CPXM2: variants seen among roughly 807,000 people sequenced by gnomAD.
CPXM2 encodes the protein inactive carboxypeptidase-like protein X2.
CPXM2 carries 66 observed loss-of-function variants against 86.1 expected under a neutral mutation model. The ratio of observed to expected loss-of-function variants is 0.77; its 90% CI spans 0.63 to 0.94. The LOEUF (loss-of-function observed/expected upper bound fraction) is 0.94. Ranked by LOEUF, CPXM2 falls within the 40% of genes least tolerant of loss-of-function variation. The pLI is 0.00. For missense variants in CPXM2, 948 were observed against 1,026.3 expected (o/e 0.92, Z 1.04); for synonymous variants, 388 against 400.2 (o/e 0.97, Z 0.36).
At chr10:123,774,360 A>G (rs982627828) in intron 7 of CPXM2, among the ~76,000 whole-genome samples, 1 of 152,272 alleles carries the variant, frequency 6.6e-6, no homozygotes, top group African/African-American at 2.4e-5. Context: ...CGAATTATCC[A>G]TAAAATGTCC....
At chr10:123,909,236 A>C (rs971002218) in intron 2 of CPXM2, among the ~76,000 whole-genome samples, 3 of 152,184 alleles carry the variant, frequency 2.0e-5, no homozygotes, top group Non-Finnish European at 4.4e-5. Context: ...AGATCTCCAG[A>C]AAGTACACTA....
At position 123,835,436 on chromosome 10, in the gene CPXM2, C is replaced by T. The variant is rs183006115; in HGVS notation, c.653+6913G>A. ...TTTATTTAATTTCAAATAACTATCC[C>T]TGCATTGCTGAAACTTAACATAAAA... On this transcript the variant is annotated intron_variant, in intron 4 of 13. Transcript: ENST00000241305. 3.3e-5 allele frequency among the ~76,000 whole-genome samples: 5 copies of T among 152,324 alleles called. No individual in the cohort carries two copies. In the South Asian group the frequency reaches 6.2e-4, roughly 19 times the overall value.
At chr10:123,886,207 G>A (rs1473668538) in intron 1 of CPXM2, among the ~76,000 whole-genome samples, 1 of 152,164 alleles carries the variant, frequency 6.6e-6, no homozygotes, top group Non-Finnish European at 1.5e-5. Flanking sequence ...CTTGTTAATT[G>A]TTTAGGTATG....
At position 123,936,463 on chromosome 10, in the gene CPXM2, G is replaced by T. The variant is rs1339825853; in HGVS notation, n.174+3014C>A. 2.0e-5 allele frequency among the ~76,000 whole-genome samples: 3 copies of T among 152,296 alleles called. No individual in the cohort carries two copies. The East Asian group carries it at 5.8e-4, about 29-fold the overall frequency. On this transcript the variant is annotated intron_variant and non_coding_transcript_variant, in intron 2 of 19. Transcript: ENST00000368854. ...GTGGATTGGCTGGTGCAAAGCTCCTGTCTCTAGACAACAGCCACACAGAAG... is the reference window on the plus strand; with the variant it reads ...GTGGATTGGCTGGTGCAAAGCTCCTTTCTCTAGACAACAGCCACACAGAAG...
intron 1 of CPXM2, among the ~76,000 whole-genome samples, chr10:123,881,848 T>C (rs1338783900): frequency 2.0e-5 from 3 of 152,202 alleles, no homozygotes; most frequent in African/African-American, 4.8e-5. Flanking sequence ...GAGACAGGGA[T>C]GATGTCTGGC....
At chr10:123,845,959 T>C (rs917117324) in intron 3 of CPXM2, among the ~76,000 whole-genome samples, 3 of 152,194 alleles carry the variant, frequency 2.0e-5, no homozygotes, top group Admixed American at 6.5e-5. Flanking sequence ...TTTTTCATCC[T>C]AGAATTTTTA....
chr10:123,789,724 G>T (rs1039262803), intron 6 of CPXM2, among the ~76,000 whole-genome samples: 1 of 152,142 alleles, frequency 6.6e-6, no homozygotes, highest in Non-Finnish European at 1.5e-5. Flanking sequence ...GAGGGGAAGG[G>T]GTTCTTATTC....
chr10:123,885,435 C>G lies in CPXM2; in HGVS notation c.305-5126G>C, dbSNP rs1482290887. On this transcript the variant is annotated intron_variant, in intron 1 of 13. Transcript: ENST00000241305. This position sits in a 1 kb window ranked among gnomAD's most constrained non-coding sequence, Gnocchi z 4.0. Reference sequence around the variant, plus strand: ...TGGCAGAACCAGACTTTGACCTCAGCTCTCTCTTCATCCTGGAAAAACTCA... The same window carrying G: ...TGGCAGAACCAGACTTTGACCTCAGGTCTCTCTTCATCCTGGAAAAACTCA... Among the ~76,000 whole-genome samples the G allele has an allele frequency of 7.2e-6, 1 of 139,792 alleles. No individual in the cohort carries two copies. Among genetic ancestry groups the G allele is most frequent in the Non-Finnish European group, 1.5e-5 (1 of 67,840 alleles). The allele number at this position is 139,792 out of a possible 152,430, so 91.7% of individuals were successfully genotyped here. A position where few individuals can be genotyped will look rare whatever the true frequency, so the allele number is the denominator to read the frequency against.
At chr10:123,916,073 C>A (rs1228014232) in intron 2 of CPXM2, among the ~76,000 whole-genome samples, 1 of 152,020 alleles carries the variant, frequency 6.6e-6, no homozygotes, top group East Asian at 1.9e-4. Context: ...AAGTTTGGTG[C>A]TGTACTTTAT....
intron 11 of CPXM2, among the ~76,000 whole-genome samples, chr10:123,761,589 C>T (rs914232756): frequency 2.0e-5 from 3 of 152,202 alleles, no homozygotes; most frequent in Non-Finnish European, 2.9e-5. Flanking sequence ...GCACAGGCCA[C>T]GGAGTCAGAG....
chr10:123,937,809 C>T (rs964578233), intron 2 of CPXM2, among the ~76,000 whole-genome samples: 2 of 152,030 alleles, frequency 1.3e-5, no homozygotes, highest in African/African-American at 4.8e-5. Flanking sequence ...AAATCAAAGC[C>T]TTTAGAGAAG....
chr10:123,761,725 G>A, intron 11 of CPXM2, 147 bp downstream of exon 11: 3 of 715,622 alleles, frequency 4.2e-6, no homozygotes, highest in Non-Finnish European at 7.0e-6. Context: ...GTTGTGCTTA[G>A]GAAAGTGCTG....
rs1845974026 is a variant in CPXM2 at position 123,746,535 on chromosome 10, A to C, written c.*229T>G. 9 of 566,450 alleles carry C rather than the reference A, an allele frequency of 1.6e-5. No individual in the cohort carries two copies. The highest frequency in any genetic ancestry group is 2.8e-5 in the Non-Finnish European group (9 of 321,196). 35.1% of individuals were successfully genotyped at this position (566,450 alleles called of 1,614,324 possible). On this transcript the variant is annotated 3_prime_UTR_variant, in exon 14 of 14. Transcript: ENST00000241305. ...CTTGCTGAGTTCTCTCACTCCCATCAGCTTTTCTCTGCTGCTCTGTCCAAG... is the reference window on the plus strand; with the variant it reads ...CTTGCTGAGTTCTCTCACTCCCATCCGCTTTTCTCTGCTGCTCTGTCCAAG...
intron 1 of CPXM2, among the ~76,000 whole-genome samples, chr10:123,887,362 T>C (rs894054275): frequency 1.4e-4 from 22 of 152,158 alleles, no homozygotes; most frequent in Non-Finnish European, 2.9e-4. Context: ...AAGAAAAAGA[T>C]TCTACGGTTC....
chr10:123,868,325 C>G (rs549534995), intron 2 of CPXM2, among the ~76,000 whole-genome samples: 1 of 152,182 alleles, frequency 6.6e-6, no homozygotes, highest in Non-Finnish European at 1.5e-5. Context: ...CTGCTAACAC[C>G]GTAACCCCTA....
intron 2 of CPXM2, among the ~76,000 whole-genome samples, chr10:123,934,228 C>G (rs1476155480): frequency 6.6e-6 from 1 of 152,160 alleles, no homozygotes; most frequent in Non-Finnish European, 1.5e-5. Flanking sequence ...CCCAGCACCA[C>G]AAACTGGTGA....
Position 123,891,288 on chromosome 10 carries a change from C to T in CPXM2, c.304+68G>A, listed in dbSNP as rs1945264158. The T allele has an allele frequency of 2.3e-6, 3 of 1,292,106 alleles. No individual in the cohort carries two copies. In the South Asian group the frequency reaches 4.7e-5, roughly 20 times the overall value. 80.0% of individuals were successfully genotyped at this position (1,292,106 alleles called of 1,614,324 possible). On this transcript the variant is annotated intron_variant, in intron 1 of 13. Transcript: ENST00000241305. The surrounding 1 kb of genome is among the most constrained non-coding windows in gnomAD (Gnocchi z 5.6). Reference sequence around the variant, plus strand: ...CCCAGACACACACAATGGGAGAAGCCAGTTGTCCCCTGGAGGCGCGCAACC... The same window carrying T: ...CCCAGACACACACAATGGGAGAAGCTAGTTGTCCCCTGGAGGCGCGCAACC...
At chr10:123,818,064 G>T (rs376627959) in intron 4 of CPXM2, among the ~76,000 whole-genome samples, 2 of 152,300 alleles carry the variant, frequency 1.3e-5, no homozygotes, top group African/African-American at 4.8e-5. Context: ...AAGAAATTTC[G>T]GGAGGAGGTA....
At chr10:123,808,247 TTATA>T in intron 4 of CPXM2, among the ~76,000 whole-genome samples, 1 of 152,252 alleles carries the variant, frequency 6.6e-6, no homozygotes, top group South Asian at 2.1e-4. Flanking sequence ...GATTAATTGC[TTATA>T]GAGCCTTCTA....
Sources: allele counts gnomAD v4.1 joint callset (sites outside exome capture counted in the v4.1 genomes callset), GRCh38; gene constraint gnomAD v4.1.1; non-coding constraint Gnocchi (gnomAD v3.1); transcripts MANE v1.5; gene names NCBI Gene and HGNC (gene_info 2026-07-23, HGNC 2026-07-21).